The following MRTFB variants were observed in gnomAD, a reference collection of about 807,000 sequenced individuals.
MRTFB encodes myocardin related transcription factor B.
Under a neutral mutation model 104.2 loss-of-function variants are expected in MRTFB, and 29 were observed. The observed-to-expected ratio is 0.28, with a 90% CI of 0.21 to 0.38. The LOEUF (loss-of-function observed/expected upper bound fraction) is 0.38, where lower values mean the gene tolerates loss of function less well. Among genes scored for constraint, MRTFB ranks in the 10% least tolerant of loss-of-function variants. The pLI, the probability that MRTFB is intolerant of heterozygous loss-of-function variation, is 1.00. For synonymous variants in MRTFB, 535 were observed against 519.5 expected (o/e 1.03, Z -0.41); for missense variants, 1,270 against 1,341.6 (o/e 0.95, Z 0.83).
At chr16:14,069,846 G>C (rs1425988231), upstream of MRTFB, among the ~76,000 whole-genome samples, 1 of 152,160 alleles carries the variant, frequency 6.6e-6, no homozygotes, top group Non-Finnish European at 1.5e-5. Flanking sequence ...TTGTTGGGAG[G>C]GCTAAATAAA....
chr16:14,259,968 G>A (rs1244131722), intron 16 of MRTFB, among the ~76,000 whole-genome samples: 1 of 152,126 alleles, frequency 6.6e-6, no homozygotes, highest in Non-Finnish European at 1.5e-5. Context: ...GCTTTAAGAG[G>A]TATTGTTAAT....
At chr16:14,027,055 T>G in the MRTFB span, among the ~76,000 whole-genome samples, 13 of 152,288 alleles carry the variant, frequency 8.5e-5, no homozygotes, top group Admixed American at 3.3e-4. Context: ...CTCCTGCATA[T>G]TTATACCAAA....
intron 2 of MRTFB, among the ~76,000 whole-genome samples, chr16:14,127,528 C>T (rs1213077416): frequency 1.3e-5 from 2 of 151,370 alleles, no homozygotes; most frequent in Non-Finnish European, 2.9e-5. Context: ...CCTGTAGTCC[C>T]AGCTACTCAG....
At chr16:14,021,715 G>A in the MRTFB span, among the ~76,000 whole-genome samples, 2 of 152,076 alleles carry the variant, frequency 1.3e-5, no homozygotes, top group Non-Finnish European at 2.9e-5. Context: ...TGGAATAATA[G>A]TCTCCAATCC....
the MRTFB span, among the ~76,000 whole-genome samples, chr16:14,000,196 G>C: frequency 8.5e-5 from 13 of 152,304 alleles, no homozygotes; most frequent in Admixed American, 8.5e-4. Flanking sequence ...AGCAGCACTC[G>C]CTTCTCTGGC....
intron 3 of MRTFB, chr16:14,151,649 C>A (rs2038620638): frequency 6.6e-6 from 1 of 152,104 alleles, no homozygotes; most frequent in East Asian, 1.9e-4. Flanking sequence ...CACCATGTAC[C>A]TTCATAACAT....
In MRTFB at chr16:14,090,546, A is replaced by G. The variant is rs532435061; in HGVS notation, c.-64+11192A>G. 1.8e-4 allele frequency among the ~76,000 whole-genome samples: 28 copies of G among 152,304 alleles called. No homozygotes were observed. The South Asian group carries it at 2.3e-3, about 12-fold the overall frequency. On this transcript the variant is annotated intron_variant, in intron 2 of 16. Transcript: ENST00000571589. ...GGAACAGGAGCTCACATGCCATGCTAGAAGCTTCCACAGAGGACTGTGGTG... is the reference window on the plus strand; with the variant it reads ...GGAACAGGAGCTCACATGCCATGCTGGAAGCTTCCACAGAGGACTGTGGTG...
the MRTFB span, among the ~76,000 whole-genome samples, chr16:14,053,462 G>A: frequency 6.6e-6 from 1 of 152,098 alleles, no homozygotes; most frequent in African/African-American, 2.4e-5. Flanking sequence ...GCTGGGCACA[G>A]TGGCTCACAT....
intron 2 of MRTFB, among the ~76,000 whole-genome samples, chr16:14,132,096 A>C (rs2037469801): frequency 6.6e-6 from 1 of 152,244 alleles, no homozygotes; most frequent in South Asian, 2.1e-4. Context: ...ACTCAACCAT[A>C]AAAAGCAGTA....
intron 3 of MRTFB, among the ~76,000 whole-genome samples, chr16:14,166,118 A>G (rs2142953014): frequency 6.6e-6 from 1 of 152,320 alleles, no homozygotes; most frequent in African/African-American, 2.4e-5. Flanking sequence ...TTAGCAATTA[A>G]GAAGAATGGG....
intron 9 of MRTFB, among the ~76,000 whole-genome samples, chr16:14,235,198 C>G (rs946441409): frequency 6.6e-6 from 1 of 152,212 alleles, no homozygotes; most frequent in Non-Finnish European, 1.5e-5. Context: ...GGCCCTAAGT[C>G]GCCGGGACTG....
In MRTFB at chr16:14,264,665, A is replaced by G. The variant is rs1010172184; in HGVS notation, c.*3221A>G. ...GCCGCATGGTTCTGTGATCCATGTAACTGACACTTTTTGGCTTTCAGTGCT... is the reference window on the plus strand; with the variant it reads ...GCCGCATGGTTCTGTGATCCATGTAGCTGACACTTTTTGGCTTTCAGTGCT... On this transcript the variant is annotated 3_prime_UTR_variant, in exon 17 of 17. Transcript: ENST00000571589. 1 of 152,220 alleles carries G rather than the reference A, an allele frequency of 6.6e-6. No homozygotes were observed. The highest frequency in any genetic ancestry group is 1.5e-5 in the Non-Finnish European group (1 of 68,046). The allele number at this position is 152,220 out of a possible 1,614,324, so 9.4% of individuals were successfully genotyped here. A position where few individuals can be genotyped will look rare whatever the true frequency, so the allele number is the denominator to read the frequency against.
At chr16:14,225,656 G>GCATGCATT (rs2041969267) in intron 8 of MRTFB, among the ~76,000 whole-genome samples, 3 of 151,170 alleles carry the variant, frequency 2.0e-5, no homozygotes, top group African/African-American at 7.4e-5. Context: ...CATCCAGAAA[G>GCATGCATT]CATTCATTCA....
chr16:14,234,767 CT>C (rs1407487786), intron 9 of MRTFB, among the ~76,000 whole-genome samples: 6 of 152,074 alleles, frequency 3.9e-5, no homozygotes, highest in Admixed American at 3.9e-4. Context: ...TGCACTCTAG[CT>C]TGGGTGACAG....
intron 2 of MRTFB, among the ~76,000 whole-genome samples, chr16:14,091,981 C>G (rs1440705848): frequency 8.5e-6 from 1 of 117,410 alleles, no homozygotes; most frequent in Non-Finnish European, 1.7e-5. Flanking sequence ...GGCAACAGAG[C>G]GAGACTTCAT....
chr16:14,140,833 T>C, intron 3 of MRTFB, 73 bp downstream of exon 3: 1 of 1,581,708 alleles, frequency 6.3e-7, no homozygotes, highest in East Asian at 2.2e-5. Flanking sequence ...TTATTCCTGT[T>C]TGGTAGTAAT....
chr16:14,127,930 T>TATATATATATATATATATATATATATA (rs1491428460), intron 2 of MRTFB, among the ~76,000 whole-genome samples: 2 of 31,694 alleles, frequency 6.3e-5, no homozygotes, highest in Non-Finnish European at 9.2e-5. Flanking sequence ...TATATATATA[T>TATATATATATATATATATATATATATA]TTTTTTTTTT....
chr16:14,264,431 T>G lies in MRTFB; in HGVS notation c.*2987T>G, dbSNP rs1483349340. On this transcript the variant is annotated 3_prime_UTR_variant, in exon 17 of 17. Transcript: ENST00000571589. ...TCATCTTGTACATTTCAGCAAAGCA[T>G]CCACTAGGAAACCTCATAGGACAGT... The G allele has an allele frequency of 5.3e-5, 8 of 152,196 alleles. No individual in the cohort carries two copies. Among genetic ancestry groups the G allele is most frequent in the Admixed American group, 2.0e-4 (3 of 15,282 alleles). 9.4% of individuals were successfully genotyped at this position (152,196 alleles called of 1,614,324 possible). A position where few individuals can be genotyped will look rare whatever the true frequency, so the allele number is the denominator to read the frequency against.
intron 3 of MRTFB, chr16:14,143,901 A>G (rs1045734858): frequency 2.6e-5 from 4 of 152,194 alleles, no homozygotes; most frequent in Admixed American, 1.3e-4. Context: ...TACCCTCCCA[A>G]TCTTGTCCCT....
Sources: allele counts gnomAD v4.1 joint callset (sites outside exome capture counted in the v4.1 genomes callset), GRCh38; gene constraint gnomAD v4.1.1; transcripts MANE v1.5; gene names NCBI Gene and HGNC (gene_info 2026-07-23, HGNC 2026-07-21).